Variants in TBC1D32 observed in about 807,000 individuals in gnomAD.
The protein encoded by TBC1D32 is protein broad-minded.
A neutral mutation model predicts 170.3 loss-of-function variants in TBC1D32; 151 were observed. That is an observed-to-expected ratio of 0.89 (90% CI 0.78 to 1.01). The LOEUF is 1.01. Ranked by LOEUF, TBC1D32 falls within the 50% of genes least tolerant of loss-of-function variation. The probability of loss-of-function intolerance (pLI) is 0.00; values close to 1 mark genes in which losing one functional copy is unlikely to be tolerated. For synonymous variants in TBC1D32, 498 were observed against 488.0 expected, an observed-to-expected ratio of 1.02 and a Z score of -0.27; for missense variants, 1,464 against 1,457.1, an observed-to-expected ratio of 1.00 and a Z score of -0.08.
At chr6:121,099,907 T>C (rs1277148181) in intron 30 of TBC1D32, among the ~76,000 whole-genome samples, 1 of 151,958 alleles carries the variant, frequency 6.6e-6, no homozygotes, top group East Asian at 1.9e-4. Context: ...TATATCCAAT[T>C]ACTAGATGGA....
At chr6:121,195,720 G>C (rs1790640055) in intron 22 of TBC1D32, among the ~76,000 whole-genome samples, 1 of 152,184 alleles carries the variant, frequency 6.6e-6, no homozygotes, top group South Asian at 2.1e-4. Context: ...AGTTGACAGA[G>C]GAAGGGAAGA....
intron 12 of TBC1D32, among the ~76,000 whole-genome samples, chr6:121,289,561 T>C (rs916346444): frequency 6.6e-6 from 1 of 152,138 alleles, no homozygotes; most frequent in African/African-American, 2.4e-5. Flanking sequence ...ATCGTGACAA[T>C]GGCCATACTG....
intron 11 of TBC1D32, 108 bp downstream of exon 11, chr6:121,294,461 CT>C: frequency 1.4e-6 from 1 of 700,176 alleles, no homozygotes; most frequent in Non-Finnish European, 2.4e-6. Flanking sequence ...TAAAAGTGAC[CT>C]AATTTACCAT....
At chr6:121,273,971 T>A (rs4441982) in intron 15 of TBC1D32, among the ~76,000 whole-genome samples, 3 of 152,066 alleles carry the variant, frequency 2.0e-5, no homozygotes, top group African/African-American at 7.2e-5. Flanking sequence ...CCTACTCTGG[T>A]TGAGGAGGCT....
At chr6:121,285,902 C>G (rs1803734787) in intron 12 of TBC1D32, among the ~76,000 whole-genome samples, 1 of 152,154 alleles carries the variant, frequency 6.6e-6, no homozygotes, top group Non-Finnish European at 1.5e-5. Flanking sequence ...CTCCAGCAAA[C>G]TACAACAGAC....
upstream of TBC1D32, chr6:121,334,627 G>T: frequency 1.6e-6 from 1 of 630,860 alleles, no homozygotes; most frequent in Admixed American, 3.0e-5. Context: ...CTTTGGGGAA[G>T]CAGGGGTCCG....
chr6:121,124,112 T>G (rs1780576954), intron 26 of TBC1D32, among the ~76,000 whole-genome samples: 1 of 152,058 alleles, frequency 6.6e-6, no homozygotes, highest in Non-Finnish European at 1.5e-5. Flanking sequence ...TAGTAAAGAT[T>G]AAGTGGTTAA....
At chr6:121,138,836 C>T (rs76778055) in intron 24 of TBC1D32, among the ~76,000 whole-genome samples, 13,366 of 151,274 alleles carry the variant, frequency 0.088, 1,246 homozygotes, top group African/African-American at 0.24. Context: ...CATATAGTAC[C>T]ATATTATTTT....
At chr6:121,261,694 G>A (rs552522718) in intron 15 of TBC1D32, among the ~76,000 whole-genome samples, 9 of 152,254 alleles carry the variant, frequency 5.9e-5, no homozygotes, top group African/African-American at 1.7e-4. Flanking sequence ...AAAAAATGCT[G>A]AAAACCCAAA....
At chr6:121,141,828 ACCT>A (rs1049407849) in intron 24 of TBC1D32, among the ~76,000 whole-genome samples, 1 of 152,126 alleles carries the variant, frequency 6.6e-6, no homozygotes, top group Non-Finnish European at 1.5e-5. Flanking sequence ...AAAGACACAA[ACCT>A]TTTTAAAAAG....
chr6:121,093,894 T>C (rs1777107095), intron 30 of TBC1D32, among the ~76,000 whole-genome samples: 1 of 152,150 alleles, frequency 6.6e-6, no homozygotes, highest in Non-Finnish European at 1.5e-5. Context: ...GATGTTATTA[T>C]TTAACAAATA....
chr6:121,226,207 G>T (rs1272889926), intron 20 of TBC1D32, among the ~76,000 whole-genome samples: 1 of 152,074 alleles, frequency 6.6e-6, no homozygotes, highest in African/African-American at 2.4e-5. Flanking sequence ...TAAAGGCATG[G>T]TCCCTGCCCT....
At chr6:121,309,495 T>A (rs1030580465) in intron 4 of TBC1D32, among the ~76,000 whole-genome samples, 11 of 152,072 alleles carry the variant, frequency 7.2e-5, no homozygotes, top group Non-Finnish European at 5.9e-5. Context: ...TAGGAGTAAA[T>A]CACAACTATT....
intron 29 of TBC1D32, among the ~76,000 whole-genome samples, chr6:121,107,811 C>T (rs780798420): frequency 6.6e-5 from 10 of 151,970 alleles, no homozygotes; most frequent in Non-Finnish European, 1.0e-4. Flanking sequence ...TATGCAGTGT[C>T]TTTTCTAGGC....
chr6:121,242,136 G>A, intron 18 of TBC1D32, 65 bp downstream of exon 18: 1 of 1,500,098 alleles, frequency 6.7e-7, no homozygotes, highest in East Asian at 2.3e-5. Context: ...AAAACAGAAT[G>A]ATGTTCTTAA....
chr6:121,121,166 T>C (rs1780222017), intron 26 of TBC1D32, among the ~76,000 whole-genome samples: 1 of 151,938 alleles, frequency 6.6e-6, no homozygotes, highest in South Asian at 2.1e-4. Flanking sequence ...GTGAATGCAG[T>C]AGGAGCAGAG....
At chr6:121,087,719 T>C (rs1408351885) in intron 31 of TBC1D32, among the ~76,000 whole-genome samples, 3 of 152,186 alleles carry the variant, frequency 2.0e-5, no homozygotes, top group African/African-American at 7.2e-5. Context: ...ATATACTTAT[T>C]CAATTTCTTC....
At chr6:121,213,885 C>T (rs12717175) in intron 21 of TBC1D32, among the ~76,000 whole-genome samples, 81,142 of 152,008 alleles carry the variant, frequency 0.53, 24,867 homozygotes, top group Non-Finnish European at 0.7. Context: ...TGTTACCTGA[C>T]TTGGAAGGAC....
chr6:121,104,546 C>A (rs190731154), intron 30 of TBC1D32, among the ~76,000 whole-genome samples: 80 of 151,334 alleles, frequency 5.3e-4, no homozygotes, highest in Non-Finnish European at 9.6e-4. Flanking sequence ...TAAAATGAAA[C>A]AAAGTACATT....
Sources: allele counts gnomAD v4.1 joint callset (sites outside exome capture counted in the v4.1 genomes callset), GRCh38; gene constraint gnomAD v4.1.1; transcripts MANE v1.5; gene names NCBI Gene and HGNC (gene_info 2026-07-23, HGNC 2026-07-21).